IMPG1: variants seen among roughly 807,000 people sequenced by gnomAD.
The protein encoded by IMPG1 is interphotoreceptor matrix proteoglycan of 150 kDa.
A neutral mutation model predicts 92.0 loss-of-function variants in IMPG1; 85 were observed. The observed-to-expected ratio is 0.92, with a 90% CI of 0.78 to 1.11. IMPG1 has a LOEUF of 1.11. Ranked by LOEUF, IMPG1 falls within the 50% of genes least tolerant of loss-of-function variation. IMPG1 has a pLI of 0.00. For missense variants in IMPG1, 1,022 were observed against 956.0 expected (o/e 1.07, Z -0.91); for synonymous variants, 367 against 334.1 (o/e 1.10, Z -1.08).
chr6:75,967,932 C>T (rs961668288), intron 12 of IMPG1, among the ~76,000 whole-genome samples: 2 of 152,128 alleles, frequency 1.3e-5, no homozygotes, highest in African/African-American at 2.4e-5. Context: ...CTTTTTGAAA[C>T]AATTGCCTGC....
intron 12 of IMPG1, among the ~76,000 whole-genome samples, chr6:75,975,602 G>C (rs1782520452): frequency 6.6e-6 from 1 of 152,184 alleles, no homozygotes; most frequent in Admixed American, 6.5e-5. Flanking sequence ...GTCTAATGGA[G>C]ATGCCATCGA....
At chr6:75,975,999 G>A (rs1237814876) in intron 12 of IMPG1, among the ~76,000 whole-genome samples, 1 of 151,890 alleles carries the variant, frequency 6.6e-6, no homozygotes, top group Admixed American at 6.6e-5. Context: ...CCTAGCTTGC[G>A]GGCTGTACAA....
intron 7 of IMPG1, among the ~76,000 whole-genome samples, chr6:76,013,741 C>A (rs1339285775): frequency 1.3e-5 from 2 of 152,176 alleles, no homozygotes; most frequent in African/African-American, 4.8e-5. Flanking sequence ...TTGAGTGCAT[C>A]TCTTCATTCT....
intron 1 of IMPG1, among the ~76,000 whole-genome samples, chr6:76,065,227 G>T (rs189896826): frequency 2.6e-5 from 4 of 152,012 alleles, no homozygotes; most frequent in Non-Finnish European, 4.4e-5. Context: ...CTCCCACAAT[G>T]GATCTTAACC....
At chr6:75,945,944 A>G (rs933378575) in intron 14 of IMPG1, among the ~76,000 whole-genome samples, 2 of 152,142 alleles carry the variant, frequency 1.3e-5, no homozygotes, top group African/African-American at 4.8e-5. Flanking sequence ...ATGGGTCCCT[A>G]AGTAAGCTGT....
chr6:76,050,678 G>T (rs144760455), intron 1 of IMPG1, among the ~76,000 whole-genome samples: 1 of 152,062 alleles, frequency 6.6e-6, no homozygotes, highest in African/African-American at 2.4e-5. Flanking sequence ...TGCTTACAAA[G>T]TTTCTATTTC....
chr6:75,923,875 C>T (rs963422859), intron 15 of IMPG1, among the ~76,000 whole-genome samples, 169 bp from the exon 16 acceptor site: 6 of 152,080 alleles, frequency 3.9e-5, no homozygotes, highest in Non-Finnish European at 7.4e-5. Flanking sequence ...TTCAGCATTT[C>T]CCCTGACTTT....
chr6:76,009,345 A>C (rs1296771753), intron 8 of IMPG1, among the ~76,000 whole-genome samples: 1 of 152,216 alleles, frequency 6.6e-6, no homozygotes, highest in African/African-American at 2.4e-5. Flanking sequence ...AATTCAATGA[A>C]GTCACTGATA....
intron 15 of IMPG1, among the ~76,000 whole-genome samples, chr6:75,928,250 A>C (rs1781594126): frequency 6.7e-6 from 1 of 150,060 alleles, no homozygotes; most frequent in Non-Finnish European, 1.5e-5. Flanking sequence ...CCCAGGCTGG[A>C]GTGCAATGGC....
chr6:75,950,009 G>C (rs1193418619), intron 13 of IMPG1, among the ~76,000 whole-genome samples: 1 of 151,944 alleles, frequency 6.6e-6, no homozygotes, highest in African/African-American at 2.4e-5. Context: ...CGTGAGTTTG[G>C]GAGTATCTTA....
In IMPG1 at chr6:76,003,914, G is replaced by A; in HGVS notation, c.1172C>T (p.Thr391Ile). ...AAAAGATGTGGGCAGCTCTGATTGGGTGTCAGGACCAAAGGCTGGCAGTGA... is the reference window on the plus strand; with the variant it reads ...AAAAGATGTGGGCAGCTCTGATTGGATGTCAGGACCAAAGGCTGGCAGTGA... ...AGSLPAFGPD[T>I]QSELPTSFAV... Residue 391 changes from threonine (T) to isoleucine (I), a missense_variant, in exon 11 of 17, where the codon ACC (threonine) becomes ATC (isoleucine). Around this residue, in one of 3 missense-constraint regions of IMPG1, gnomAD observed 681 missense variants for 583.6 expected, o/e 1.17. Coordinates refer to ENST00000369950, the MANE Select transcript of IMPG1 (RefSeq NM_001563.4). The A allele has an allele frequency of 1.9e-6, 3 of 1,613,284 alleles. No individual in the cohort carries two copies. Among genetic ancestry groups the A allele is most frequent in the Non-Finnish European group, 2.5e-6 (3 of 1,179,650 alleles).
intron 1 of IMPG1, among the ~76,000 whole-genome samples, chr6:76,050,935 C>A (rs962891052): frequency 4.6e-5 from 7 of 152,112 alleles, no homozygotes; most frequent in African/African-American, 1.7e-4. Flanking sequence ...AAGCACTTAG[C>A]AAACCCATTA....
At position 75,944,334 on chromosome 6, in the gene IMPG1, G is replaced by A. The variant is rs1781886538; in HGVS notation, c.2044+2980C>T. Among the ~76,000 whole-genome samples, 4 of 152,158 alleles carry A rather than the reference G, an allele frequency of 2.6e-5. No individual in the cohort carries two copies. In the South Asian group the frequency reaches 8.3e-4, roughly 31 times the overall value. ...GCACAGTGGCTTCTAGCTATGCATA[G>A]CGTAGTATAATTAGGAACCATGCTG... On this transcript the variant is annotated intron_variant, in intron 14 of 16. Transcript: ENST00000369950.
intron 1 of IMPG1, among the ~76,000 whole-genome samples, chr6:76,050,229 C>A (rs1853937): frequency 0.017 from 2,636 of 151,948 alleles, 77 homozygotes; most frequent in African/African-American, 0.06. Flanking sequence ...CACTTAAGGC[C>A]GGGAGTTCGA....
rs149526718 is a variant in IMPG1 at position 76,003,029 on chromosome 6, G to A, written c.1213-33C>T. 262 of 1,512,774 alleles carry A rather than the reference G, an allele frequency of 1.7e-4. No homozygotes were observed. In the African/African-American group the frequency reaches 3.4e-3, roughly 20 times the overall value. 93.7% of individuals were successfully genotyped at this position (1,512,774 alleles called of 1,614,324 possible). A position where few individuals can be genotyped will look rare whatever the true frequency, so the allele number is the denominator to read the frequency against. ...ATGAATTTTGCAAGACAGATGTTGAGAAAGGATGTTTGTATGTATATGAGA... is the reference window on the plus strand; with the variant it reads ...ATGAATTTTGCAAGACAGATGTTGAAAAAGGATGTTTGTATGTATATGAGA... On this transcript the variant is annotated intron_variant, in intron 11 of 16. Coordinates refer to ENST00000369950, the MANE Select transcript of IMPG1 (RefSeq NM_001563.4).
chr6:76,061,562 A>T (rs1256376353), intron 1 of IMPG1, among the ~76,000 whole-genome samples: 2 of 152,234 alleles, frequency 1.3e-5, no homozygotes, highest in Non-Finnish European at 2.9e-5. Flanking sequence ...GACATCTCAC[A>T]GCTACTAAAA....
intron 1 of IMPG1, among the ~76,000 whole-genome samples, chr6:76,061,044 G>A (rs1219704549): frequency 6.6e-6 from 1 of 152,118 alleles, no homozygotes. Flanking sequence ...TACAGCTGAT[G>A]TTCAAGGTGG....
intron 1 of IMPG1, among the ~76,000 whole-genome samples, chr6:76,046,015 T>C (rs1783934479): frequency 6.6e-6 from 1 of 152,096 alleles, no homozygotes. Flanking sequence ...ACCTACTTGA[T>C]GATGAATTGG....
intron 15 of IMPG1, among the ~76,000 whole-genome samples, chr6:75,930,725 G>A (rs546932675): frequency 2.0e-5 from 3 of 152,288 alleles, no homozygotes; most frequent in South Asian, 4.1e-4. Context: ...CCTAGGACCA[G>A]CAGCATCAGC....
Sources: allele counts gnomAD v4.1 joint callset (sites outside exome capture counted in the v4.1 genomes callset), GRCh38; gene constraint gnomAD v4.1.1; regional missense constraint gnomAD v4.1.1; transcripts MANE v1.5; gene names NCBI Gene and HGNC (gene_info 2026-07-23, HGNC 2026-07-21).